The following MGST2 variants were observed in gnomAD, a reference collection of about 807,000 sequenced individuals.
MGST2 encodes microsomal glutathione S-transferase 2, also known as glutathione peroxidase MGST2.
In MGST2, 9 loss-of-function variants were observed where a neutral mutation model predicts 16.6. The observed-to-expected ratio is 0.54, with a 90% CI of 0.33 to 0.95. MGST2 has a LOEUF of 0.95. MGST2 is among the 40% of genes least tolerant of loss of function. The pLI is 0.03. For synonymous variants in MGST2, 79 were observed against 68.0 expected, an observed-to-expected ratio of 1.16 and a Z score of -0.79; for missense variants, 159 against 175.1, an observed-to-expected ratio of 0.91 and a Z score of 0.52.
chr4:139,675,709 G>C (rs1021887718), intron 1 of MGST2, among the ~76,000 whole-genome samples: 7 of 152,218 alleles, frequency 4.6e-5, no homozygotes, highest in Non-Finnish European at 1.0e-4. Context: ...CTCAGCGAGA[G>C]GACTGAGCGC....
intron 5 of MGST2, among the ~76,000 whole-genome samples, chr4:139,729,272 C>A (rs1355915626): frequency 1.3e-5 from 2 of 151,518 alleles, no homozygotes; most frequent in East Asian, 1.9e-4. Context: ...TTAATAGGGA[C>A]CTCCATGGGC....
At chr4:139,693,860 T>G (rs1043672176) in intron 2 of MGST2, among the ~76,000 whole-genome samples, 1 of 152,182 alleles carries the variant, frequency 6.6e-6, no homozygotes, top group African/African-American at 2.4e-5. Context: ...CATTTCCAAT[T>G]TTTTAGGGGA....
Position 139,694,896 on chromosome 4 carries a change from G to A in MGST2, c.159-301G>A, listed in dbSNP as rs374213920. ...GAATATGAATTGAGTAATCTCTTAAGTTCTTTAGATAAGATATGGAGTGAT... is the reference window on the plus strand; with the variant it reads ...GAATATGAATTGAGTAATCTCTTAAATTCTTTAGATAAGATATGGAGTGAT... On this transcript the variant is annotated intron_variant, in intron 2 of 4. Transcript: ENST00000265498. Among the ~76,000 whole-genome samples, 41 of 152,192 alleles carry A rather than the reference G, an allele frequency of 2.7e-4. 3 individuals carry two copies. In the East Asian group the frequency reaches 2.9e-3, roughly 11 times the overall value.
chr4:139,708,936 T>C (rs1322174909), downstream of MGST2, among the ~76,000 whole-genome samples: 2 of 143,936 alleles, frequency 1.4e-5, no homozygotes, highest in Admixed American at 1.4e-4. Context: ...CAGGAGGAGG[T>C]TGTGGTGAGC....
intron 3 of MGST2, among the ~76,000 whole-genome samples, chr4:139,701,680 G>A (rs537945096): frequency 1.3e-5 from 2 of 152,164 alleles, no homozygotes; most frequent in South Asian, 2.1e-4. Context: ...TGGTAGATAC[G>A]GGGCTGGGTG....
At position 139,703,466 on chromosome 4, in the gene MGST2, T is replaced by G; in HGVS notation, c.241T>G (p.Cys81Gly). The change falls in exon 4 of 5, where the codon TGT (cysteine) becomes GGT (glycine). Residue 81 changes from cysteine (C) to glycine (G), a missense_variant. Coordinates refer to ENST00000265498, the MANE Select transcript of MGST2 (RefSeq NM_002413.5). Reference protein sequence around the residue: ...GWYFNQVFATCLGLVYIYGRH... With the variant: ...GWYFNQVFATGLGLVYIYGRH... The stretch of plus-strand genomic sequence containing the variant: ...CCACCCCCCTATAGTTTTTGCTACT[T>G]GTCTGGGTCTGGTGTACATATATGG... The G allele has an allele frequency of 6.2e-7, 1 of 1,614,004 alleles. No individual in the cohort carries two copies. Among genetic ancestry groups the G allele is most frequent in the Non-Finnish European group, 8.5e-7 (1 of 1,179,934 alleles).
At chr4:139,700,380 C>A (rs1387129679) in intron 3 of MGST2, among the ~76,000 whole-genome samples, 2 of 152,114 alleles carry the variant, frequency 1.3e-5, no homozygotes, top group African/African-American at 4.8e-5. Context: ...ATCCGCCAGT[C>A]TCGGCCTCCC....
chr4:139,753,953 G>A, the MGST2 span, among the ~76,000 whole-genome samples: 1 of 152,220 alleles, frequency 6.6e-6, no homozygotes, highest in Non-Finnish European at 1.5e-5. Context: ...GACTGGGGTG[G>A]AGGGAGGGGT....
At chr4:139,692,347 C>T (rs1198854011) in intron 2 of MGST2, among the ~76,000 whole-genome samples, 1 of 152,258 alleles carries the variant, frequency 6.6e-6, no homozygotes. Flanking sequence ...GGTTCCCCAT[C>T]TTCCCAATTC....
At chr4:139,687,779 A>G (rs1731643665) in intron 2 of MGST2, 1 of 152,210 alleles carries the variant, frequency 6.6e-6, no homozygotes, top group South Asian at 2.1e-4. Flanking sequence ...TATGGAGTCC[A>G]GCCTTTCTGA....
At chr4:139,730,932 CTA>C in intron 5 of MGST2, 1 of 524,892 alleles carries the variant, frequency 1.9e-6, no homozygotes, top group East Asian at 3.1e-5. Flanking sequence ...ATGGGACTGA[CTA>C]TTGCATATAG....
chr4:139,719,826 G>A (rs751681725), intron 5 of MGST2: 1 of 1,613,358 alleles, frequency 6.2e-7, no homozygotes, highest in African/African-American at 1.3e-5. Flanking sequence ...GTCCTCCCAG[G>A]CATGCCCTGC....
chr4:139,684,568 G>A (rs1289252298), intron 2 of MGST2, among the ~76,000 whole-genome samples: 2 of 152,326 alleles, frequency 1.3e-5, no homozygotes, highest in Admixed American at 1.3e-4. Flanking sequence ...CATGTGCATG[G>A]CTGGGGCTTA....
the MGST2 span, among the ~76,000 whole-genome samples, chr4:139,749,127 A>T: frequency 1.3e-5 from 2 of 152,226 alleles, no homozygotes; most frequent in Admixed American, 6.5e-5. Context: ...ATTTTCTTCA[A>T]ATTGAGAAAA....
chr4:139,692,253 G>A (rs1726655214), intron 2 of MGST2, among the ~76,000 whole-genome samples: 1 of 152,220 alleles, frequency 6.6e-6, no homozygotes, highest in Non-Finnish European at 1.5e-5. Flanking sequence ...CATCCTGTGA[G>A]CACAAACGCA....
Position 139,722,174 on chromosome 4 carries a change from G to A in MGST2, c.*48+17978G>A, listed in dbSNP as rs568884210. ...GTTCCTTTCTTTAGAGGGCAGAAGC[G>A]TTACAATGCTTTTTAATAGGCAGTG... On this transcript the variant is annotated intron_variant, in intron 5 of 5. Transcript: ENST00000616265. Among the ~76,000 whole-genome samples, 7 of 152,274 alleles carry A rather than the reference G, an allele frequency of 4.6e-5. No individual in the cohort carries two copies. In the South Asian group the frequency reaches 6.2e-4, roughly 14 times the overall value.
chr4:139,741,616 G>A (rs962398244), downstream of MGST2, among the ~76,000 whole-genome samples: 7 of 151,978 alleles, frequency 4.6e-5, no homozygotes, highest in Admixed American at 2.0e-4. Context: ...GCATGGTGGT[G>A]TGCACCTGTA....
chr4:139,736,551 A>ACAT (rs10647214), intron 5 of MGST2, among the ~76,000 whole-genome samples: 30,292 of 152,088 alleles, frequency 0.2, 3,134 homozygotes, highest in African/African-American at 0.25. Context: ...TTTGGAGGTG[A>ACAT]CATAGTTAAT....
At chr4:139,734,825 A>G (rs1275338778) in intron 5 of MGST2, among the ~76,000 whole-genome samples, 1 of 152,278 alleles carries the variant, frequency 6.6e-6, no homozygotes, top group African/African-American at 2.4e-5. Flanking sequence ...ACCAAAGAGC[A>G]GGGAATCACA....
Sources: gnomAD v4.1 joint callset for allele counts (sites outside exome capture counted in the v4.1 genomes callset) on GRCh38, gnomAD v4.1.1 for gene constraint, MANE v1.5 for transcripts, NCBI Gene and HGNC (gene_info 2026-07-23, HGNC 2026-07-21) for gene names.